MSI2: variants seen among roughly 807,000 people sequenced by gnomAD.
The protein encoded by MSI2 is RNA-binding protein Musashi homolog 2.
In MSI2, 17 loss-of-function variants were observed where a neutral mutation model predicts 45.6. The observed-to-expected ratio is 0.37, with a 90% CI of 0.26 to 0.56. The LOEUF is 0.56. MSI2 is among the 20% of genes least tolerant of loss of function. The pLI is 0.77. For synonymous variants in MSI2, 156 were observed against 158.2 expected (o/e 0.99, Z 0.11); for missense variants, 293 against 444.2 (o/e 0.66, Z 3.06).
At chr17:57,481,635 C>T (rs2085649435) in intron 6 of MSI2, among the ~76,000 whole-genome samples, 2 of 152,154 alleles carry the variant, frequency 1.3e-5, no homozygotes, top group Non-Finnish European at 2.9e-5. Context: ...CTCCAAATAT[C>T]CCAAAGAAGA....
chr17:57,575,077 A>G (rs1051479082), intron 7 of MSI2, among the ~76,000 whole-genome samples: 8 of 150,738 alleles, frequency 5.3e-5, no homozygotes, highest in East Asian at 2.0e-4. Flanking sequence ...TGATCCGCCC[A>G]CCTTGGCCTC....
At chr17:57,340,803 T>C (rs1002892653) in intron 5 of MSI2, among the ~76,000 whole-genome samples, 1 of 152,168 alleles carries the variant, frequency 6.6e-6, no homozygotes, top group African/African-American at 2.4e-5. Flanking sequence ...TCTCTGCCGA[T>C]TTCCAGCGTG....
intron 5 of MSI2, among the ~76,000 whole-genome samples, chr17:57,284,497 G>T (rs1446937568): frequency 6.6e-6 from 1 of 152,182 alleles, no homozygotes; most frequent in East Asian, 1.9e-4. Context: ...CAGCTGTGCA[G>T]TCACAGCCCA....
chr17:57,420,290 G>T (rs1349342415), intron 6 of MSI2, among the ~76,000 whole-genome samples: 3 of 152,202 alleles, frequency 2.0e-5, no homozygotes, highest in Non-Finnish European at 4.4e-5. Context: ...AGCGACTGAC[G>T]TTCGGGGCAG....
intron 5 of MSI2, among the ~76,000 whole-genome samples, chr17:57,298,264 A>G (rs567060571): frequency 6.6e-6 from 1 of 152,362 alleles, no homozygotes; most frequent in South Asian, 2.1e-4. Context: ...GCATGAAGAC[A>G]ACATTAATCT....
intron 6 of MSI2, among the ~76,000 whole-genome samples, chr17:57,528,137 C>T (rs888667898): frequency 2.0e-5 from 3 of 151,662 alleles, no homozygotes; most frequent in Non-Finnish European, 2.9e-5. Flanking sequence ...GTATTTTTAC[C>T]ATCAACCTTG....
At chr17:57,700,756 G>T in the MSI2 span, among the ~76,000 whole-genome samples, 25 of 152,132 alleles carry the variant, frequency 1.6e-4, no homozygotes, top group Admixed American at 5.9e-4. Flanking sequence ...TACAAAAATA[G>T]CTGGGCGTGG....
intron 5 of MSI2, among the ~76,000 whole-genome samples, chr17:57,329,542 G>T (rs1349704707): frequency 6.6e-6 from 1 of 152,166 alleles, no homozygotes; most frequent in Non-Finnish European, 1.5e-5. Flanking sequence ...AACTCATAGT[G>T]GGGTTTTACT....
intron 5 of MSI2, among the ~76,000 whole-genome samples, chr17:57,277,282 T>A (rs373424584): frequency 6.6e-6 from 1 of 152,162 alleles, no homozygotes; most frequent in African/African-American, 2.4e-5. Flanking sequence ...GGTCTCGAAC[T>A]CCTGACCTCA....
At chr17:57,647,958 TTTG>T (rs1910813830) in intron 10 of MSI2, among the ~76,000 whole-genome samples, 10 of 146,402 alleles carry the variant, frequency 6.8e-5, no homozygotes, top group East Asian at 6.3e-4. Flanking sequence ...TGTTTGTTGG[TTTG>T]TTTGTTTGTT....
chr17:57,517,659 A>G (rs1051102989), intron 6 of MSI2, among the ~76,000 whole-genome samples: 1 of 152,144 alleles, frequency 6.6e-6, no homozygotes, highest in East Asian at 1.9e-4. Context: ...TCGGTTACCA[A>G]CATGCACTCC....
intron 6 of MSI2, among the ~76,000 whole-genome samples, chr17:57,460,593 G>A: frequency 6.6e-6 from 1 of 152,146 alleles, no homozygotes; most frequent in Non-Finnish European, 1.5e-5. Flanking sequence ...GAGTACTAAT[G>A]GGACATGAGG....
intron 5 of MSI2, among the ~76,000 whole-genome samples, chr17:57,337,142 A>G (rs997102337): frequency 6.6e-6 from 1 of 152,092 alleles, no homozygotes; most frequent in African/African-American, 2.4e-5. Flanking sequence ...TAGGCTTGGG[A>G]TTTTAACCCA....
chr17:57,663,078 C>T (rs536506143), intron 11 of MSI2, among the ~76,000 whole-genome samples: 28 of 152,268 alleles, frequency 1.8e-4, no homozygotes, highest in African/African-American at 6.5e-4. Flanking sequence ...GCGAGGACCG[C>T]TTCTGGAAGG....
intron 6 of MSI2, chr17:57,448,517 G>A (rs2084939355): frequency 6.6e-6 from 1 of 152,222 alleles, no homozygotes; most frequent in South Asian, 2.1e-4. Flanking sequence ...CAACACAGCA[G>A]TGGAAAGCGT....
downstream of MSI2, among the ~76,000 whole-genome samples, chr17:57,685,898 T>C (rs371627181): frequency 1.8e-4 from 27 of 152,162 alleles, no homozygotes; most frequent in African/African-American, 6.0e-4. Flanking sequence ...CTCATCCTGA[T>C]TGCTCAGCTC....
chr17:57,371,091 G>A (rs1425315534), intron 5 of MSI2, among the ~76,000 whole-genome samples: 1 of 152,090 alleles, frequency 6.6e-6, no homozygotes, highest in Non-Finnish European at 1.5e-5. Context: ...TGCTAAATGG[G>A]CTTTTAAAAA....
intron 6 of MSI2, among the ~76,000 whole-genome samples, chr17:57,489,144 G>C (rs1028945748): frequency 6.6e-6 from 1 of 152,246 alleles, no homozygotes; most frequent in Non-Finnish European, 1.5e-5. Flanking sequence ...CGCAAGCCAC[G>C]TGCTTTCTGG....
intron 5 of MSI2, among the ~76,000 whole-genome samples, chr17:57,295,515 G>A (rs1215441745): frequency 3.9e-5 from 6 of 152,140 alleles, no homozygotes; most frequent in Admixed American, 6.5e-5. Flanking sequence ...ATACAGGTGC[G>A]GTAGGTTGAG....
Sources: gnomAD v4.1 joint callset for allele counts (sites outside exome capture counted in the v4.1 genomes callset) on GRCh38, gnomAD v4.1.1 for gene constraint, MANE v1.5 for transcripts, NCBI Gene and HGNC (gene_info 2026-07-23, HGNC 2026-07-21) for gene names.